Variants in CTNNA2 observed in about 807,000 individuals in gnomAD.
The protein encoded by CTNNA2 is catenin alpha 2.
A neutral mutation model predicts 101.0 loss-of-function variants in CTNNA2; 42 were observed. The ratio of observed to expected loss-of-function variants is 0.42; its 90% confidence interval spans 0.32 to 0.54. The LOEUF is 0.54. Ranked by LOEUF, CTNNA2 falls within the 20% of genes least tolerant of loss-of-function variation. The probability of loss-of-function intolerance (pLI) is 0.14; values close to 1 mark genes in which losing one functional copy is unlikely to be tolerated. For missense variants in CTNNA2, 871 were observed against 1,223.1 expected, an observed-to-expected ratio of 0.71 and a Z score of 4.29; for synonymous variants, 450 against 456.4, an observed-to-expected ratio of 0.99 and a Z score of 0.18.
intron 9 of CTNNA2, among the ~76,000 whole-genome samples, chr2:80,471,888 G>A (rs1365191697): frequency 2.0e-5 from 3 of 152,110 alleles, no homozygotes; most frequent in African/African-American, 4.8e-5. Flanking sequence ...GCGTTTAGGA[G>A]GCCGAGGTGA....
At chr2:80,442,277 T>C (rs183939350) in intron 9 of CTNNA2, among the ~76,000 whole-genome samples, 1 of 152,320 alleles carries the variant, frequency 6.6e-6, no homozygotes, top group African/African-American at 2.4e-5. Context: ...TCCCAGTTAA[T>C]TGATGTGTTC....
rs577480356 is a variant in CTNNA2 at position 79,237,310 on chromosome 2, A to G, written c.-406+39234A>G. ...TCTTTATTCTGAGTAGAAGGCCTCA[A>G]TGGTGGTCTTAAAATATTTAGTAAA... On this transcript the variant is annotated intron_variant, in intron 2 of 21. Transcript: ENST00000466387. 7.2e-5 allele frequency among the ~76,000 whole-genome samples: 11 copies of G among 152,328 alleles called. No homozygotes were observed. In the South Asian group the frequency reaches 1.9e-3, roughly 26 times the overall value.
chr2:79,529,858 G>A (rs927219088), intron 1 of CTNNA2, among the ~76,000 whole-genome samples: 2 of 151,820 alleles, frequency 1.3e-5, no homozygotes, highest in Non-Finnish European at 2.9e-5. Flanking sequence ...ACAAGAGAAA[G>A]GAAGGGTAAG....
intron 7 of CTNNA2, among the ~76,000 whole-genome samples, chr2:79,969,773 ATC>A (rs67713710): frequency 0.23 from 34,271 of 151,812 alleles, 4,436 homozygotes; most frequent in East Asian, 0.48. Context: ...TAAAGCATTT[ATC>A]TCTGTGTGTG....
At chr2:79,440,563 C>A (rs1193850634) in intron 4 of CTNNA2, among the ~76,000 whole-genome samples, 1 of 152,110 alleles carries the variant, frequency 6.6e-6, no homozygotes, top group Non-Finnish European at 1.5e-5. Context: ...ATACAAAGAC[C>A]TAGTCCTTAG....
At chr2:79,502,305 T>C (rs1424762568) in intron 4 of CTNNA2, among the ~76,000 whole-genome samples, 2 of 152,220 alleles carry the variant, frequency 1.3e-5, no homozygotes, top group African/African-American at 4.8e-5. Flanking sequence ...TAGCTAGGAA[T>C]GGCTCAACTG....
intron 4 of CTNNA2, among the ~76,000 whole-genome samples, chr2:79,488,729 A>C (rs1219691538): frequency 6.6e-6 from 1 of 152,152 alleles, no homozygotes; most frequent in East Asian, 1.9e-4. Flanking sequence ...AAGTATTTTT[A>C]ATCCTGCACA....
At chr2:79,877,658 C>T (rs1574204597) in intron 6 of CTNNA2, among the ~76,000 whole-genome samples, 2 of 152,208 alleles carry the variant, frequency 1.3e-5, no homozygotes, top group Admixed American at 6.5e-5. Flanking sequence ...GGGTGAAAAA[C>T]TCACTCAAAC....
chr2:79,615,365 T>C, intron 1 of CTNNA2, among the ~76,000 whole-genome samples: 1 of 152,170 alleles, frequency 6.6e-6, no homozygotes, highest in East Asian at 1.9e-4. Context: ...AAAAAATGCA[T>C]TTAAATATGA....
At chr2:79,709,494 G>A (rs753395720) in intron 2 of CTNNA2, among the ~76,000 whole-genome samples, 32 of 152,130 alleles carry the variant, frequency 2.1e-4, no homozygotes, top group Non-Finnish European at 3.7e-4. Context: ...CAGGGTTACT[G>A]TAGGGATGAG....
chr2:80,565,545 G>GA (rs1693982047), intron 12 of CTNNA2, among the ~76,000 whole-genome samples: 1 of 151,074 alleles, frequency 6.6e-6, no homozygotes. Context: ...ATGGTGAATC[G>GA]TGTGGTTGTA....
chr2:80,269,640 G>A (rs1186405837), intron 7 of CTNNA2, among the ~76,000 whole-genome samples: 1 of 151,904 alleles, frequency 6.6e-6, no homozygotes, highest in Non-Finnish European at 1.5e-5. Context: ...ATTCAACTAT[G>A]AATTTTTTTT....
chr2:79,487,849 T>A (rs904951804), intron 4 of CTNNA2, among the ~76,000 whole-genome samples: 1 of 152,110 alleles, frequency 6.6e-6, no homozygotes, highest in African/African-American at 2.4e-5. Flanking sequence ...TTATTACATA[T>A]CAATAGATAA....
At chr2:79,280,812 A>T (rs1675357642) in intron 2 of CTNNA2, among the ~76,000 whole-genome samples, 1 of 151,884 alleles carries the variant, frequency 6.6e-6, no homozygotes, top group African/African-American at 2.4e-5. Context: ...TGCACACCTG[A>T]AGAAAGGAAA....
intron 7 of CTNNA2, among the ~76,000 whole-genome samples, chr2:80,213,850 A>G (rs774844616): frequency 6.6e-6 from 1 of 152,126 alleles, no homozygotes; most frequent in Non-Finnish European, 1.5e-5. Context: ...TGGGAGTCTA[A>G]GTCTCTTTGT....
chr2:80,645,029 A>G (rs745562566), intron 18 of CTNNA2, among the ~76,000 whole-genome samples: 2 of 152,132 alleles, frequency 1.3e-5, no homozygotes, highest in Non-Finnish European at 2.9e-5. Flanking sequence ...GATCAGCTCA[A>G]TTCTCCCAAG....
chr2:79,915,416 A>G (rs952686636), intron 7 of CTNNA2, among the ~76,000 whole-genome samples: 2 of 152,218 alleles, frequency 1.3e-5, no homozygotes, highest in African/African-American at 4.8e-5. Context: ...TATATTGTGA[A>G]TATGTTACCA....
chr2:79,652,237 G>T (rs2104479894), intron 2 of CTNNA2, among the ~76,000 whole-genome samples: 1 of 113,234 alleles, frequency 8.8e-6, no homozygotes, highest in East Asian at 3.8e-4. Context: ...CCTGGGATGT[G>T]ATTTTTTTTT....
intron 1 of CTNNA2, among the ~76,000 whole-genome samples, chr2:79,564,094 A>G (rs1484260235): frequency 6.6e-6 from 1 of 152,094 alleles, no homozygotes; most frequent in Non-Finnish European, 1.5e-5. Flanking sequence ...CGTATCACCT[A>G]CTTTCAGCAT....
Sources: allele counts gnomAD v4.1 joint callset (sites outside exome capture counted in the v4.1 genomes callset), GRCh38; gene constraint gnomAD v4.1.1; transcripts MANE v1.5; gene names NCBI Gene and HGNC (gene_info 2026-07-23, HGNC 2026-07-21).